Variants in CCDC192 observed in about 807,000 individuals in gnomAD.
CCDC192 encodes the protein coiled-coil domain containing 192, also known as coiled-coil domain-containing protein 192.
chr5:127,811,781 G>T (rs114309151), intron 5 of CCDC192, among the ~76,000 whole-genome samples: 1 of 152,032 alleles, frequency 6.6e-6, no homozygotes, highest in Non-Finnish European at 1.5e-5. Context: ...ATCATGATAC[G>T]TGATAGAGTC....
At chr5:127,735,488 G>A (rs1752925667) in intron 2 of CCDC192, among the ~76,000 whole-genome samples, 2 of 120,978 alleles carry the variant, frequency 1.7e-5, no homozygotes, top group African/African-American at 6.8e-5. Flanking sequence ...GCTTGATGGG[G>A]ATGGCATTGA....
rs185069153 is a variant in CCDC192, at chr5:127,753,077, G to A, written c.115-1191G>A. Among the ~76,000 whole-genome samples the A allele has an allele frequency of 4.6e-5, 7 of 152,248 alleles. No homozygotes were observed. The South Asian group carries it at 6.2e-4, about 14-fold the overall frequency. On this transcript the variant is annotated intron_variant, in intron 2 of 6. Transcript: ENST00000514853. ...AATGCAGAAATCACCCGTCTTCTGC[G>A]TCGCTCAGGCTGGGAGCTGTGGACC...
chr5:127,786,483 C>T (rs1374342471), intron 3 of CCDC192: 1 of 629,762 alleles, frequency 1.6e-6, no homozygotes, highest in South Asian at 1.8e-5. Flanking sequence ...TCACCATTTC[C>T]TTCCTTTTTG....
intron 6 of CCDC192, among the ~76,000 whole-genome samples, chr5:127,927,939 T>C (rs1753909456): frequency 9.2e-6 from 1 of 108,812 alleles, no homozygotes; most frequent in Non-Finnish European, 1.6e-5. Flanking sequence ...TTATAGTTCT[T>C]TTTTTTTTTT....
chr5:127,708,182 A>G (rs1751079541), intron 2 of CCDC192, among the ~76,000 whole-genome samples: 1 of 152,208 alleles, frequency 6.6e-6, no homozygotes, highest in Non-Finnish European at 1.5e-5. Flanking sequence ...ACTGAGGTTT[A>G]AATCACAGTC....
chr5:127,923,873 A>G (rs1753799968), intron 6 of CCDC192, among the ~76,000 whole-genome samples: 1 of 152,236 alleles, frequency 6.6e-6, no homozygotes, highest in South Asian at 2.1e-4. Flanking sequence ...TGCCTTATGA[A>G]GAATGCAACC....
chr5:127,927,843 T>C (rs1294940018), intron 6 of CCDC192, among the ~76,000 whole-genome samples: 1 of 124,836 alleles, frequency 8.0e-6, no homozygotes, highest in African/African-American at 4.0e-5. Context: ...GTTCTTTGGT[T>C]TTTTTTCCCT....
In CCDC192 at chr5:127,831,854, A is replaced by G. The variant is rs1186302150; in HGVS notation, c.411+33692A>G. 5.3e-5 allele frequency among the ~76,000 whole-genome samples: 8 copies of G among 152,122 alleles called. No homozygotes were observed. The East Asian group carries it at 1.5e-3, about 29-fold the overall frequency. Reference sequence around the variant, plus strand: ...CATAATAAGAATATTATGTCAAAAAATCTTGTGAAATAAAATTTAATTTGA... The same window carrying G: ...CATAATAAGAATATTATGTCAAAAAGTCTTGTGAAATAAAATTTAATTTGA... On this transcript the variant is annotated intron_variant, in intron 5 of 6. Coordinates refer to ENST00000514853, the MANE Select transcript of CCDC192 (RefSeq NM_001317938.2).
intron 6 of CCDC192, among the ~76,000 whole-genome samples, chr5:127,934,150 G>C (rs942311322): frequency 1.3e-5 from 2 of 151,620 alleles, no homozygotes; most frequent in African/African-American, 2.4e-5. Context: ...TGTCATTCAG[G>C]CTGCAGCCCT....
chr5:127,810,240 G>T (rs1341408402), intron 5 of CCDC192, among the ~76,000 whole-genome samples: 4 of 152,158 alleles, frequency 2.6e-5, no homozygotes, highest in Non-Finnish European at 4.4e-5. Context: ...GGCAGACTCT[G>T]CCCATTCATT....
intron 2 of CCDC192, among the ~76,000 whole-genome samples, chr5:127,731,170 C>G (rs1286024376): frequency 1.3e-5 from 2 of 152,164 alleles, no homozygotes; most frequent in Non-Finnish European, 2.9e-5. Context: ...AGCAAAATCT[C>G]AGGATACAAA....
intron 5 of CCDC192, among the ~76,000 whole-genome samples, chr5:127,868,998 T>C (rs1751731716): frequency 1.3e-5 from 2 of 152,154 alleles, no homozygotes; most frequent in Non-Finnish European, 2.9e-5. Context: ...AAATAGGATT[T>C]ATAATACTTC....
intron 3 of CCDC192, among the ~76,000 whole-genome samples, chr5:127,766,377 T>G (rs923683761): frequency 6.6e-6 from 1 of 152,166 alleles, no homozygotes; most frequent in African/African-American, 2.4e-5. Flanking sequence ...TATAATGGGT[T>G]ATGAAATCAA....
intron 5 of CCDC192, among the ~76,000 whole-genome samples, chr5:127,849,688 T>C (rs973372786): frequency 6.6e-6 from 1 of 152,128 alleles, no homozygotes; most frequent in Non-Finnish European, 1.5e-5. Flanking sequence ...GTAAGGCTCA[T>C]AAAGAGGTGG....
At chr5:127,778,697 A>G (rs995181866) in intron 3 of CCDC192, among the ~76,000 whole-genome samples, 7 of 152,178 alleles carry the variant, frequency 4.6e-5, no homozygotes, top group Non-Finnish European at 8.8e-5. Context: ...GAAATGTGTA[A>G]TATACCAGTG....
intron 6 of CCDC192, among the ~76,000 whole-genome samples, chr5:127,913,331 T>C (rs1178722113): frequency 2.6e-5 from 4 of 152,230 alleles, no homozygotes; most frequent in Non-Finnish European, 5.9e-5. Context: ...CCTTTGAATG[T>C]TCCACTTGTT....
chr5:127,785,864 C>A, intron 3 of CCDC192: 1 of 372,890 alleles, frequency 2.7e-6, no homozygotes, highest in South Asian at 2.9e-5. Context: ...ACAACCTTGT[C>A]AAGAGCAGCC....
intron 5 of CCDC192, among the ~76,000 whole-genome samples, chr5:127,802,184 A>G (rs1346962279): frequency 6.6e-6 from 1 of 152,178 alleles, no homozygotes; most frequent in East Asian, 1.9e-4. Flanking sequence ...CTCTAGGGAC[A>G]TTGAAGGCAG....
At chr5:127,922,557 G>A (rs542705860) in intron 6 of CCDC192, among the ~76,000 whole-genome samples, 6 of 152,204 alleles carry the variant, frequency 3.9e-5, no homozygotes, top group African/African-American at 1.4e-4. Flanking sequence ...TAGGCAACAT[G>A]GCAAAACCCC....
Sources: gnomAD v4.1 joint callset for allele counts (sites outside exome capture counted in the v4.1 genomes callset) on GRCh38, gnomAD v4.1.1 for gene constraint, MANE v1.5 for transcripts, NCBI Gene and HGNC (gene_info 2026-07-23, HGNC 2026-07-21) for gene names.